ZNF622: variants seen among roughly 807,000 people sequenced by gnomAD.
ZNF622 encodes the protein zinc finger protein 622.
ZNF622 carries 34 observed loss-of-function variants against 49.7 expected under a neutral mutation model. The observed-to-expected ratio is 0.68, with a 90% confidence interval of 0.52 to 0.91. ZNF622 has a LOEUF of 0.91. Ranked by LOEUF, ZNF622 falls within the 40% of genes least tolerant of loss-of-function variation. The pLI, the probability that ZNF622 is intolerant of heterozygous loss-of-function variation, is 0.00. For synonymous variants in ZNF622, 209 were observed against 228.7 expected (o/e 0.91, Z 0.78); for missense variants, 569 against 616.4 (o/e 0.92, Z 0.81).
chr5:16,462,375 G>T (rs549695701), intron 3 of ZNF622, among the ~76,000 whole-genome samples: 1 of 152,260 alleles, frequency 6.6e-6, no homozygotes, highest in South Asian at 2.1e-4. Context: ...CAAGATTCTA[G>T]TTAGGGCCGG....
intron 4 of ZNF622, among the ~76,000 whole-genome samples, chr5:16,456,651 G>A (rs1738030698): frequency 1.3e-5 from 2 of 152,168 alleles, no homozygotes; most frequent in African/African-American, 4.8e-5. Flanking sequence ...CCCAGAGGAA[G>A]AGAACTGTAT....
chr5:16,462,242 A>G (rs1175033416), intron 3 of ZNF622, among the ~76,000 whole-genome samples: 2 of 152,252 alleles, frequency 1.3e-5, no homozygotes, highest in Non-Finnish European at 2.9e-5. Flanking sequence ...CACTTGGTCT[A>G]TGCATGCCTG....
chr5:16,455,664 G>A (rs7723124), intron 4 of ZNF622, among the ~76,000 whole-genome samples: 41,666 of 152,146 alleles, frequency 0.27, 7,063 homozygotes, highest in Non-Finnish European at 0.38. Context: ...TATTTGTAAC[G>A]TTAGGTCTGG....
chr5:16,464,542 T>C (rs1296339937), intron 1 of ZNF622, among the ~76,000 whole-genome samples: 3 of 152,146 alleles, frequency 2.0e-5, no homozygotes, highest in Non-Finnish European at 4.4e-5. Context: ...GGATGTGGGA[T>C]GAGGGAAGTA....
chr5:16,465,659 T>A lies in ZNF622; in HGVS notation c.7A>T (p.Thr3Ser), dbSNP rs748350092. 15 of 1,567,798 alleles carry A rather than the reference T, an allele frequency of 9.6e-6. No homozygotes were observed. Among genetic ancestry groups the A allele is most frequent in the Middle Eastern group, 1.7e-4 (1 of 5,784 alleles). MA[T>S]YTCITCRVAF... ...ACCCGGCAAGTTATGCAGGTGTACG[T>A]CGCCATTGCCAGGCGAGAAATAAGA... Residue 3 changes from threonine to serine, a missense_variant, in exon 1 of 6, where the codon ACG (threonine) becomes TCG (serine). Transcript: ENST00000308683. This position sits in a 1 kb window ranked among gnomAD's most constrained non-coding sequence, Gnocchi z 6.2.
At chr5:16,453,198 G>GT in intron 4 of ZNF622, 42 bp from the exon 5 acceptor site, 6 of 1,398,312 alleles carry the variant, frequency 4.3e-6, no homozygotes, top group Non-Finnish European at 4.7e-6. Context: ...GAGTTGGATA[G>GT]TTTTTTCAAG....
At chr5:16,454,623 G>A (rs1189565018) in intron 4 of ZNF622, among the ~76,000 whole-genome samples, 1 of 152,116 alleles carries the variant, frequency 6.6e-6, no homozygotes, top group African/African-American at 2.4e-5. Context: ...TTATTTAAGG[G>A]TGAGGCACAT....
Position 16,463,692 on chromosome 5 carries a change from C to T in ZNF622, c.676G>A (p.Ala226Thr), listed in dbSNP as rs2126495405. 1 of 1,614,222 alleles carries T rather than the reference C, an allele frequency of 6.2e-7. No individual in the cohort carries two copies. Among genetic ancestry groups the T allele is most frequent in the Non-Finnish European group, 8.5e-7 (1 of 1,180,038 alleles). The change falls in exon 2 of 6, where the codon GCA (alanine) becomes ACA (threonine). Residue 226 changes from alanine (A) to threonine (T), a missense_variant. Ala to Thr is a moderately conservative substitution (Grantham distance 58). Transcript: ENST00000308683. This position sits in a 1 kb window ranked among gnomAD's most constrained non-coding sequence, Gnocchi z 4.2. ...TCCTGCTCCACCACATCGTCCATTG[C>T]TTCAGTATCCTCACATTCCAATTCT... ...DEELECEDTE[A>T]MDDVVEQDAE...
At chr5:16,458,665 T>A in intron 3 of ZNF622, 36 bp from the exon 4 acceptor site, 1 of 1,425,664 alleles carries the variant, frequency 7.0e-7, no homozygotes, top group Non-Finnish European at 9.7e-7. Flanking sequence ...AATAGACTAA[T>A]ATCTCAAATT....
chr5:16,458,873 T>C (rs983122349), intron 3 of ZNF622, among the ~76,000 whole-genome samples: 9 of 152,210 alleles, frequency 5.9e-5, no homozygotes, highest in Admixed American at 5.9e-4. Flanking sequence ...AAAGGCTGTC[T>C]AACAGAGAAG....
rs773817715 is a variant in ZNF622 at position 16,465,102 on chromosome 5, C to T, written c.564G>A (p.Lys188=). 2.4e-5 allele frequency: 39 copies of T among 1,612,574 alleles called. No homozygotes were observed. The East Asian group carries it at 8.0e-4, about 33-fold the overall frequency. ...PRLQWFEQQA[K]KLAKQQEEDS... ...CCTCCTCCTGCTGCTTTGCCAACTT[C>T]TTCGCCTGCTGTTCAAACCACTGGA... The change falls in exon 1 of 6, where the codon AAG becomes AAA. Residue 188 remains lysine (K), a synonymous_variant. Coordinates refer to ENST00000308683, the MANE Select transcript of ZNF622 (RefSeq NM_033414.3). The surrounding 1 kb of genome is among the most constrained non-coding windows in gnomAD (Gnocchi z 6.2).
Position 16,463,089 on chromosome 5 carries a change from T to C in ZNF622, c.1049+19A>G, listed in dbSNP as rs1203850613. ...GCAAATATGACCTCACTTTACTTCA[T>C]ATTACAAACTATGCTTACCTAAAAT... On this transcript the variant is annotated intron_variant, in intron 3 of 5. Transcript: ENST00000308683. This position sits in a 1 kb window ranked among gnomAD's most constrained non-coding sequence, Gnocchi z 4.2. 3.1e-6 allele frequency: 5 copies of C among 1,593,544 alleles called. No homozygotes were observed. Among genetic ancestry groups the C allele is most frequent in the Non-Finnish European group, 3.4e-6 (4 of 1,173,610 alleles).
intron 3 of ZNF622, among the ~76,000 whole-genome samples, chr5:16,459,473 A>G (rs1738088733): frequency 6.6e-6 from 1 of 152,168 alleles, no homozygotes; most frequent in Non-Finnish European, 1.5e-5. Context: ...ATAGAAAACC[A>G]CTTTGGAAAC....
chr5:16,453,588 T>TATATAG, intron 4 of ZNF622, among the ~76,000 whole-genome samples: 1 of 91,204 alleles, frequency 1.1e-5, no homozygotes, highest in Non-Finnish European at 2.2e-5. Context: ...TATATATATA[T>TATATAG]ATATATATAT....
chr5:16,463,044 C>T lies in ZNF622; in HGVS notation c.1049+64G>A. ...GTGCCAAACATATCCAGCACTGGCA[C>T]ACCTAATAATCACTTCAAAGCAAAT... is the stretch of plus-strand genomic sequence containing the variant. On this transcript the variant is annotated intron_variant, in intron 3 of 5. Coordinates refer to ENST00000308683, the MANE Select transcript of ZNF622 (RefSeq NM_033414.3). The surrounding 1 kb of genome is among the most constrained non-coding windows in gnomAD (Gnocchi z 4.2). The T allele has an allele frequency of 6.5e-7, 1 of 1,530,362 alleles. No individual in the cohort carries two copies. Among genetic ancestry groups the T allele is most frequent in the Admixed American group, 2.1e-5 (1 of 48,176 alleles). The allele number at this position is 1,530,362 out of a possible 1,614,324, so 94.8% of individuals were successfully genotyped here.
rs897394397 is a variant in ZNF622, at chr5:16,465,121, C to T, written c.545G>A (p.Trp182Ter). The T allele has an allele frequency of 6.2e-7, 1 of 1,614,118 alleles. No homozygotes were observed. The highest frequency in any genetic ancestry group is 1.3e-5 in the African/African-American group (1 of 75,058). The part of the protein sequence containing the change: ...DPSEKPPRLQ[W>*]FEQQAKKLAK... ...CAACTTCTTCGCCTGCTGTTCAAAC[C>T]ACTGGAGCCGGGGTGGTTTCTCACT... The change falls in exon 1 of 6, where the codon TGG becomes TAG. Residue 182 changes from tryptophan (W) to a stop codon, truncating the protein, a stop_gained. Coordinates refer to ENST00000308683, the MANE Select transcript of ZNF622 (RefSeq NM_033414.3). LOFTEE classifies it high-confidence loss of function. The surrounding 1 kb of genome is among the most constrained non-coding windows in gnomAD (Gnocchi z 6.2).
chr5:16,453,008 T>C lies in ZNF622; in HGVS notation c.1306+5A>G, dbSNP rs1737958937. The C allele has an allele frequency of 1.4e-6, 2 of 1,453,308 alleles. No homozygotes were observed. Among genetic ancestry groups the C allele is most frequent in the African/African-American group, 1.4e-5 (1 of 69,962 alleles). The allele number at this position is 1,453,308 out of a possible 1,614,324, so 90.0% of individuals were successfully genotyped here. A position where few individuals can be genotyped will look rare whatever the true frequency, so the allele number is the denominator to read the frequency against. On this transcript the variant is annotated splice_donor_5th_base_variant and intron_variant, in intron 5 of 5. Coordinates refer to ENST00000308683, the MANE Select transcript of ZNF622 (RefSeq NM_033414.3). Reference sequence around the variant, plus strand: ...ACTGGTCTGTAGTTGTAAAGATCAATGTACCTGTGCTGCCAGTCCATCCCA... The same window carrying C: ...ACTGGTCTGTAGTTGTAAAGATCAACGTACCTGTGCTGCCAGTCCATCCCA...
chr5:16,460,499 A>G (rs1314498889), intron 3 of ZNF622, among the ~76,000 whole-genome samples: 1 of 152,144 alleles, frequency 6.6e-6, no homozygotes, highest in Non-Finnish European at 1.5e-5. Context: ...CACTCCATAA[A>G]CACTAGCTTT....
chr5:16,453,559 TTATATATATATATATATATATATATA>T (rs58965299), intron 4 of ZNF622, among the ~76,000 whole-genome samples: 1,778 of 67,178 alleles, frequency 0.026, 47 homozygotes, highest in Non-Finnish European at 0.044. Flanking sequence ...TAAATAAAAA[TTATATATATATATATATATATATATA>T]TATATATATA....
Sources: gnomAD v4.1 joint callset for allele counts (sites outside exome capture counted in the v4.1 genomes callset) on GRCh38, gnomAD v4.1.1 for gene constraint, Gnocchi (gnomAD v3.1) non-coding constraint, MANE v1.5 for transcripts, NCBI Gene and HGNC (gene_info 2026-07-23, HGNC 2026-07-21) for gene names.